The following SLC22A9 variants were observed in gnomAD, a reference collection of about 807,000 sequenced individuals.
SLC22A9 encodes the protein solute carrier family 22 member 9, also known as organic anion transporter 7.
Under a neutral mutation model 50.1 loss-of-function variants are expected in SLC22A9, and 64 were observed. The observed-to-expected ratio is 1.28, with a 90% confidence interval of 1.04 to 1.57. The LOEUF (loss-of-function observed/expected upper bound fraction) is 1.57, where lower values mean the gene tolerates loss of function less well. SLC22A9 is among the 40% of genes most tolerant of loss of function. SLC22A9 has a pLI of 0.00. For missense variants in SLC22A9, 757 were observed against 676.1 expected, an observed-to-expected ratio of 1.12 and a Z score of -1.33; for synonymous variants, 261 against 242.5, an observed-to-expected ratio of 1.08 and a Z score of -0.71.
At position 63,382,153 on chromosome 11, in the gene SLC22A9, T is replaced by C. The variant is rs145201533; in HGVS notation, c.955-6T>C. On this transcript the variant is annotated splice_polypyrimidine_tract_variant and splice_region_variant and intron_variant, in intron 5 of 9. Transcript: ENST00000279178. ...GTACAGTTTATTGTTTCTGCTATTGTTGAAGATTTTGAAATCCACCATGAA... is the reference window on the plus strand; with the variant it reads ...GTACAGTTTATTGTTTCTGCTATTGCTGAAGATTTTGAAATCCACCATGAA... 7 of 1,602,464 alleles carry C rather than the reference T, an allele frequency of 4.4e-6. No individual in the cohort carries two copies. Among genetic ancestry groups the C allele is most frequent in the Non-Finnish European group, 6.0e-6 (7 of 1,174,914 alleles).
At chr11:63,390,123 A>C (rs1183153818) in intron 6 of SLC22A9, among the ~76,000 whole-genome samples, 1 of 151,980 alleles carries the variant, frequency 6.6e-6, no homozygotes, top group East Asian at 1.9e-4. Context: ...CATTCTGTAG[A>C]TTGACTGTTC....
chr11:63,409,733 GACTT>G (rs2015105170), intron 9 of SLC22A9, 65 bp from the exon 10 acceptor site: 2 of 1,452,058 alleles, frequency 1.4e-6, no homozygotes, highest in Non-Finnish European at 9.6e-7. Context: ...AAGAATGCGG[GACTT>G]ACATGTTTAG....
chr11:63,398,426 T>C (rs1343902995), intron 6 of SLC22A9, among the ~76,000 whole-genome samples: 3 of 152,156 alleles, frequency 2.0e-5, no homozygotes, highest in Non-Finnish European at 4.4e-5. Flanking sequence ...TAGCCAAGAC[T>C]GTCTTTTAAG....
At chr11:63,377,329 A>G (rs2014481859) in intron 5 of SLC22A9, among the ~76,000 whole-genome samples, 1 of 151,964 alleles carries the variant, frequency 6.6e-6, no homozygotes, top group Non-Finnish European at 1.5e-5. Context: ...TCAAAAAGAA[A>G]GAAAGAAAGA....
chr11:63,397,260 C>T (rs914974850), intron 6 of SLC22A9, among the ~76,000 whole-genome samples: 12 of 152,162 alleles, frequency 7.9e-5, no homozygotes, highest in Non-Finnish European at 1.3e-4. Context: ...TGAGCTGCCT[C>T]GAGCTGGGGG....
At position 63,406,689 on chromosome 11, in the gene SLC22A9, G is replaced by A; in HGVS notation, c.1266G>A (p.Leu422=). The A allele has an allele frequency of 6.2e-7, 1 of 1,613,542 alleles. No homozygotes were observed. The change falls in exon 7 of 10, where the codon CTG becomes CTA. Residue 422 remains leucine (L), a synonymous_variant. Coordinates refer to ENST00000279178, the MANE Select transcript of SLC22A9 (RefSeq NM_080866.3). ...TGTTCCTACTGGCAATCTGCCTTCT[G>A]GCCATCATATTTGTGCCACAAGGTG... The part of the protein sequence containing the change: ...LLMFLLAICL[L]AIIFVPQEMQ...
chr11:63,395,613 G>A (rs539033064), intron 6 of SLC22A9, among the ~76,000 whole-genome samples: 7 of 152,274 alleles, frequency 4.6e-5, no homozygotes, highest in African/African-American at 1.7e-4. Flanking sequence ...CTGTTCTGGT[G>A]GAGGTGGCTA....
intron 7 of SLC22A9, among the ~76,000 whole-genome samples, chr11:63,407,410 T>C (rs2015058864): frequency 6.6e-6 from 1 of 152,158 alleles, no homozygotes; most frequent in Non-Finnish European, 1.5e-5. Context: ...GGATCTCAGA[T>C]TGGTGTGCTC....
chr11:63,372,055 G>T (rs1311463969), intron 2 of SLC22A9, among the ~76,000 whole-genome samples: 1 of 152,114 alleles, frequency 6.6e-6, no homozygotes, highest in East Asian at 1.9e-4. Flanking sequence ...CCAATAGTTA[G>T]TCACCCAGTC....
Position 63,409,870 on chromosome 11 carries a change from C to A in SLC22A9, c.*8C>A. ...GAAGTGACGCAGTTTTAAGGAATTC[C>A]AGGAGCTGACTGCCGATCAATGAGC... On this transcript the variant is annotated 3_prime_UTR_variant, in exon 10 of 10. Transcript: ENST00000279178. 6.2e-7 allele frequency: 1 copy of A among 1,613,142 alleles called. No individual in the cohort carries two copies.
intron 6 of SLC22A9, among the ~76,000 whole-genome samples, chr11:63,387,002 A>G (rs1441688501): frequency 1.3e-5 from 2 of 151,652 alleles, no homozygotes; most frequent in Non-Finnish European, 2.9e-5. Context: ...TTGATTTGAG[A>G]TCTTTCTAGC....
chr11:63,403,700 AAG>A (rs1481977161), intron 6 of SLC22A9, among the ~76,000 whole-genome samples: 1 of 152,100 alleles, frequency 6.6e-6, no homozygotes, highest in Non-Finnish European at 1.5e-5. Context: ...AGGGAAGAAA[AAG>A]AGATAAAAAG....
chr11:63,380,933 C>T (rs1435041683), intron 5 of SLC22A9, among the ~76,000 whole-genome samples: 1 of 151,990 alleles, frequency 6.6e-6, no homozygotes, highest in African/African-American at 2.4e-5. Flanking sequence ...AACTAAATGG[C>T]AACTGATGAT....
intron 6 of SLC22A9, among the ~76,000 whole-genome samples, chr11:63,387,046 C>T (rs893860838): frequency 2.0e-5 from 3 of 151,834 alleles, no homozygotes; most frequent in Non-Finnish European, 2.9e-5. Context: ...TATAAATTTC[C>T]CTCTTAACAC....
At position 63,408,842 on chromosome 11, in the gene SLC22A9, A is replaced by T; in HGVS notation, c.1564A>T (p.Lys522Ter). ...CCTCCTCCTTCCTGAAACCAGGAACAAGCCTCTGTTTGACACCATCCAGGA... is the reference window on the plus strand; with the variant it reads ...CCTCCTCCTTCCTGAAACCAGGAACTAGCCTCTGTTTGACACCATCCAGGA... ...AFLLLPETRN[K>*]PLFDTIQDEK... is the part of the protein sequence containing the mutation. The change falls in exon 9 of 10, where the codon AAG becomes TAG. Residue 522 changes from lysine to a stop codon, truncating the protein, a stop_gained. Coordinates refer to ENST00000279178, the MANE Select transcript of SLC22A9 (RefSeq NM_080866.3). LOFTEE classifies it low-confidence loss of function (END_TRUNC). 1 of 1,613,940 alleles carries T rather than the reference A, an allele frequency of 6.2e-7. No individual in the cohort carries two copies. The highest frequency in any genetic ancestry group is 1.7e-4 in the Middle Eastern group (1 of 6,056).
At chr11:63,384,484 T>C (rs1312918280) in intron 6 of SLC22A9, among the ~76,000 whole-genome samples, 1 of 152,206 alleles carries the variant, frequency 6.6e-6, no homozygotes, top group Non-Finnish European at 1.5e-5. Context: ...ATTTTTTTTA[T>C]GGCTGCATAG....
chr11:63,376,539 G>T (rs2014464058), intron 5 of SLC22A9, among the ~76,000 whole-genome samples: 1 of 151,680 alleles, frequency 6.6e-6, no homozygotes, highest in African/African-American at 2.4e-5. Flanking sequence ...CTACCTGAAT[G>T]AAGCTTTTGC....
chr11:63,397,820 C>T (rs1488873295), intron 6 of SLC22A9, among the ~76,000 whole-genome samples: 1 of 152,148 alleles, frequency 6.6e-6, no homozygotes, highest in Non-Finnish European at 1.5e-5. Flanking sequence ...AAACTGCCAT[C>T]CAAGAGCCCA....
rs748472563 is a variant in SLC22A9, at chr11:63,409,841, A to G, written c.1641A>G (p.Arg547=). The change falls in exon 10 of 10, where the codon AGA becomes AGG. Residue 547 remains arginine (R), a synonymous_variant. Transcript: ENST00000279178. ...DPREPKQEDP[R]VEVTQF ...GAGAACCAAAGCAAGAGGATCCGAGAGTGGAAGTGACGCAGTTTTAAGGAA... is the reference window on the plus strand; with the variant it reads ...GAGAACCAAAGCAAGAGGATCCGAGGGTGGAAGTGACGCAGTTTTAAGGAA... 2 of 1,613,606 alleles carry G rather than the reference A, an allele frequency of 1.2e-6. No homozygotes were observed. Among genetic ancestry groups the G allele is most frequent in the African/African-American group, 2.7e-5 (2 of 74,890 alleles).
Sources: gnomAD v4.1 joint callset for allele counts (sites outside exome capture counted in the v4.1 genomes callset) on GRCh38, gnomAD v4.1.1 for gene constraint, MANE v1.5 for transcripts, NCBI Gene and HGNC (gene_info 2026-07-23, HGNC 2026-07-21) for gene names.